The following ECRG4 variants were observed in gnomAD, a reference collection of about 807,000 sequenced individuals.
ECRG4 encodes ECRG4 augurin precursor.
ECRG4 carries 18 observed loss-of-function variants against 15.8 expected under a neutral mutation model. That is an observed-to-expected ratio of 1.14 (90% CI 0.79 to 1.69). The LOEUF is 1.69. ECRG4 is among the 40% of genes most tolerant of loss of function. The pLI, the probability that ECRG4 is intolerant of heterozygous loss-of-function variation, is 0.00. For missense variants in ECRG4, 200 were observed against 190.9 expected, an observed-to-expected ratio of 1.05 and a Z score of -0.28; for synonymous variants, 82 against 73.9, an observed-to-expected ratio of 1.11 and a Z score of -0.56.
rs1054238636 is a variant in ECRG4 at position 106,073,698 on chromosome 2, C to T, written c.128-188C>T. The T allele has an allele frequency of 6.1e-5, 43 of 703,430 alleles. No individual in the cohort carries two copies. In the Admixed American group the frequency reaches 9.9e-4, roughly 16 times the overall value. The allele number at this position is 703,430 out of a possible 1,614,324, so 43.6% of individuals were successfully genotyped here. A position where few individuals can be genotyped will look rare whatever the true frequency, so the allele number is the denominator to read the frequency against. On this transcript the variant is annotated intron_variant, in intron 2 of 3. Coordinates refer to ENST00000238044, the MANE Select transcript of ECRG4 (RefSeq NM_032411.3). ...ATAGGGTTGTACCAAATAACACTTA[C>T]TAACAGGAAGCATGGTGACAGAATC...
At position 106,073,870 on chromosome 2, in the gene ECRG4, G is replaced by A; in HGVS notation, c.128-16G>A. 1 of 1,611,990 alleles carries A rather than the reference G, an allele frequency of 6.2e-7. No homozygotes were observed. Among genetic ancestry groups the A allele is most frequent in the Non-Finnish European group, 8.5e-7 (1 of 1,178,124 alleles). On this transcript the variant is annotated splice_polypyrimidine_tract_variant and intron_variant, in intron 2 of 3. Transcript: ENST00000238044. The stretch of plus-strand genomic sequence containing the variant: ...TCATTCTTTGTGCTTTGGGGATGGG[G>A]AATTGATGATTTCAGCACCTGTTCC...
chr2:106,070,037 A>G (rs1676329363), intron 1 of ECRG4, among the ~76,000 whole-genome samples: 1 of 152,164 alleles, frequency 6.6e-6, no homozygotes, highest in African/African-American at 2.4e-5. Context: ...GGAAGGTGTG[A>G]GGGAAACCAC....
chr2:106,065,897 G>C, intron 1 of ECRG4, 54 bp downstream of exon 1: 1 of 1,419,078 alleles, frequency 7.0e-7, no homozygotes, highest in Non-Finnish European at 9.2e-7. Context: ...TTGGCCCCAT[G>C]TGGCGCTTCC....
chr2:106,070,685 T>G (rs1172841303), intron 1 of ECRG4: 2 of 208,902 alleles, frequency 9.6e-6, no homozygotes, highest in Non-Finnish European at 2.0e-5. Context: ...TTCTTAATTT[T>G]ATTTGGGTCA....
chr2:106,077,274 C>G (rs1257197183), intron 3 of ECRG4, among the ~76,000 whole-genome samples: 1 of 152,190 alleles, frequency 6.6e-6, no homozygotes, highest in African/African-American at 2.4e-5. Flanking sequence ...AAATGTACCC[C>G]CAGTTCTCTG....
At chr2:106,077,295 A>G (rs1676507323) in intron 3 of ECRG4, among the ~76,000 whole-genome samples, 1 of 152,240 alleles carries the variant, frequency 6.6e-6, no homozygotes, top group South Asian at 2.1e-4. Context: ...CCCTGGCACT[A>G]TAATAGGCCA....
Position 106,075,962 on chromosome 2 carries a change from C to A in ECRG4, c.286-1803C>A, listed in dbSNP as rs1558658672. ...TCTTAATCTATATTATTTCTGTATT[C>A]ATCAAAGATTTTAAAAAATTTTTGA... is the stretch of plus-strand genomic sequence containing the variant. On this transcript the variant is annotated intron_variant, in intron 3 of 3. Coordinates refer to ENST00000238044, the MANE Select transcript of ECRG4 (RefSeq NM_032411.3). Among the ~76,000 whole-genome samples, 4 of 152,284 alleles carry A rather than the reference C, an allele frequency of 2.6e-5. No individual in the cohort carries two copies. The East Asian group carries it at 5.8e-4, about 22-fold the overall frequency.
intron 2 of ECRG4, among the ~76,000 whole-genome samples, chr2:106,073,585 C>T (rs1448889496): frequency 1.3e-5 from 2 of 152,152 alleles, no homozygotes; most frequent in South Asian, 4.1e-4. Context: ...AAGGCCTGGG[C>T]CCTGGGTGCG....
At chr2:106,063,782 A>G (rs1042822041), upstream of ECRG4, among the ~76,000 whole-genome samples, 1 of 152,134 alleles carries the variant, frequency 6.6e-6, no homozygotes, top group Non-Finnish European at 1.5e-5. Context: ...GAGTTTCACC[A>G]TGTTGGTCAG....
chr2:106,071,464 GT>G (rs1676372219), intron 1 of ECRG4, among the ~76,000 whole-genome samples: 1 of 152,036 alleles, frequency 6.6e-6, no homozygotes, highest in Non-Finnish European at 1.5e-5. Flanking sequence ...GGGGTTTCTG[GT>G]GGATAGGGGT....
chr2:106,075,989 A>G (rs1676480089), intron 3 of ECRG4, among the ~76,000 whole-genome samples: 1 of 152,184 alleles, frequency 6.6e-6, no homozygotes, highest in Admixed American at 6.5e-5. Flanking sequence ...AATTTTTGAA[A>G]ATACATATTT....
intron 1 of ECRG4, among the ~76,000 whole-genome samples, chr2:106,069,967 G>T (rs1676326935): frequency 6.6e-6 from 1 of 152,138 alleles, no homozygotes; most frequent in Admixed American, 6.5e-5. Context: ...TCTCCCACAG[G>T]CTGCTATGCA....
intron 3 of ECRG4, among the ~76,000 whole-genome samples, chr2:106,075,047 A>G (rs938424352): frequency 6.6e-6 from 1 of 152,122 alleles, no homozygotes; most frequent in Non-Finnish European, 1.5e-5. Flanking sequence ...CAAATAGGTA[A>G]ACATGTATAG....
rs142353076 is a variant in ECRG4, at chr2:106,074,397, ATTAACTT to A, written c.285+362_285+368del. 7.3e-3 allele frequency among the ~76,000 whole-genome samples: 1,114 copies of A among 152,280 alleles called. 13 individuals carry two copies. Among genetic ancestry groups the A allele is most frequent in the African/African-American group, 0.026 (1,076 of 41,560 alleles). ...AATAACTCACAATCCCCCAAAACCT[ATTAACTT>A]TTAACTTGAAGACTGTCAGAAACAA... On this transcript the variant is annotated intron_variant, in intron 3 of 3. Coordinates refer to ENST00000238044, the MANE Select transcript of ECRG4 (RefSeq NM_032411.3).
At position 106,065,822 on chromosome 2, in the gene ECRG4, C is replaced by T; in HGVS notation, c.58C>T (p.Leu20=). The T allele has an allele frequency of 1.3e-6, 2 of 1,486,688 alleles. No homozygotes were observed. The highest frequency in any genetic ancestry group is 1.8e-6 in the Non-Finnish European group (2 of 1,124,936). The allele number at this position is 1,486,688 out of a possible 1,614,324, so 92.1% of individuals were successfully genotyped here. ...GGCCCTGACCGGGCTGGCGCTGCTC[C>T]TGCTCCTGTGCTGGGGCCCAGGTGA... ...VLALTGLALL[L]LLCWGPGGIS... The change falls in exon 1 of 4, where the codon CTG becomes TTG. Residue 20 remains leucine (L), a synonymous_variant. Coordinates refer to ENST00000238044, the MANE Select transcript of ECRG4 (RefSeq NM_032411.3).
At chr2:106,069,153 TTTC>T (rs1297173986) in intron 1 of ECRG4, among the ~76,000 whole-genome samples, 17 of 118,302 alleles carry the variant, frequency 1.4e-4, no homozygotes, top group African/African-American at 4.5e-4. Flanking sequence ...CTTTCTTTTC[TTTC>T]TTTCTTTCTT....
At chr2:106,073,779 C>T in intron 2 of ECRG4, 107 bp from the exon 3 acceptor site, 10 of 1,351,870 alleles carry the variant, frequency 7.4e-6, no homozygotes, top group Non-Finnish European at 1.0e-5. Flanking sequence ...AGAGTCAAAA[C>T]CCTCCTACAC....
upstream of ECRG4, chr2:106,063,291 C>A (rs1573354611): frequency 6.6e-6 from 1 of 152,232 alleles, no homozygotes; most frequent in Non-Finnish European, 1.5e-5. Context: ...TGACCAGACA[C>A]CAAATCTGCT....
At chr2:106,066,425 T>G (rs899928544) in intron 1 of ECRG4, among the ~76,000 whole-genome samples, 2 of 152,248 alleles carry the variant, frequency 1.3e-5, no homozygotes, top group Non-Finnish European at 2.9e-5. Flanking sequence ...GCTCGCTCTC[T>G]GTAAAACGTG....
Sources: allele counts gnomAD v4.1 joint callset (sites outside exome capture counted in the v4.1 genomes callset), GRCh38; gene constraint gnomAD v4.1.1; transcripts MANE v1.5; gene names NCBI Gene and HGNC (gene_info 2026-07-23, HGNC 2026-07-21).